Variants in HHAT observed in about 807,000 individuals in gnomAD.
HHAT encodes the protein protein-cysteine N-palmitoyltransferase HHAT.
HHAT carries 47 observed loss-of-function variants against 70.8 expected under a neutral mutation model. The observed-to-expected ratio is 0.66, with a 90% CI of 0.53 to 0.85. The LOEUF is 0.85. HHAT is among the 40% of genes least tolerant of loss of function. The pLI, the probability that HHAT is intolerant of heterozygous loss-of-function variation, is 0.00. For missense variants in HHAT, 609 were observed against 604.8 expected (o/e 1.01, Z -0.07); for synonymous variants, 228 against 247.6 (o/e 0.92, Z 0.74).
At chr1:210,427,476 G>A (rs373328589) in intron 7 of HHAT, among the ~76,000 whole-genome samples, 16 of 152,184 alleles carry the variant, frequency 1.1e-4, no homozygotes, top group South Asian at 6.2e-4. Flanking sequence ...TGCCTTAGCC[G>A]TGTCCCAGAG....
At chr1:210,344,357 A>T (rs1299893372) in intron 1 of HHAT, among the ~76,000 whole-genome samples, 1 of 152,106 alleles carries the variant, frequency 6.6e-6, no homozygotes, top group African/African-American at 2.4e-5. Context: ...CTGTCTGTGG[A>T]GTTTGCACAT....
chr1:210,417,494 C>T (rs1051925592), intron 6 of HHAT, among the ~76,000 whole-genome samples: 4 of 152,192 alleles, frequency 2.6e-5, no homozygotes, highest in African/African-American at 9.7e-5. Context: ...CTGGGCCTCC[C>T]AAAGTCCTGG....
chr1:210,394,218 G>C (rs2091635625), intron 4 of HHAT, among the ~76,000 whole-genome samples: 1 of 121,860 alleles, frequency 8.2e-6, no homozygotes, highest in Non-Finnish European at 1.8e-5. Flanking sequence ...ATTTTCAAAA[G>C]CATGATCTAT....
intron 6 of HHAT, among the ~76,000 whole-genome samples, chr1:210,406,181 C>T (rs1307738906): frequency 6.6e-6 from 1 of 152,158 alleles, no homozygotes; most frequent in Admixed American, 6.5e-5. Context: ...TTGAATTATT[C>T]TCAGTTTGCC....
intron 7 of HHAT, among the ~76,000 whole-genome samples, chr1:210,429,944 G>A (rs7518269): frequency 6.6e-6 from 1 of 151,478 alleles, no homozygotes; most frequent in Non-Finnish European, 1.5e-5. Flanking sequence ...CATTTGATAG[G>A]TGGCATTCTT....
chr1:210,338,964 G>C (rs1369290725), intron 1 of HHAT, among the ~76,000 whole-genome samples: 1 of 152,146 alleles, frequency 6.6e-6, no homozygotes, highest in African/African-American at 2.4e-5. Flanking sequence ...GAGCCCAGGA[G>C]TTAGAGCTGT....
At chr1:210,553,654 T>G (rs2095547169) in intron 9 of HHAT, among the ~76,000 whole-genome samples, 1 of 152,220 alleles carries the variant, frequency 6.6e-6, no homozygotes, top group African/African-American at 2.4e-5. Context: ...GTGAAACATC[T>G]TGGTGTTCAG....
intron 11 of HHAT, among the ~76,000 whole-genome samples, chr1:210,661,275 A>G (rs180739817): frequency 1.3e-5 from 2 of 152,382 alleles, no homozygotes; most frequent in African/African-American, 4.8e-5. Flanking sequence ...ACACTTCTCA[A>G]ACGAAGACAT....
intron 10 of HHAT, among the ~76,000 whole-genome samples, chr1:210,615,048 T>C (rs1667396653): frequency 6.6e-6 from 1 of 152,234 alleles, no homozygotes. Flanking sequence ...AGTGTTCCTA[T>C]TTCTCCACAT....
intron 3 of HHAT, among the ~76,000 whole-genome samples, chr1:210,373,990 CTT>C (rs978416599): frequency 3.3e-5 from 5 of 152,184 alleles, no homozygotes; most frequent in South Asian, 2.1e-4. Context: ...GTTACACAGA[CTT>C]TTATCATGCA....
intron 9 of HHAT, among the ~76,000 whole-genome samples, chr1:210,576,851 A>C (rs115178975): frequency 0.013 from 1,996 of 152,232 alleles, 47 homozygotes; most frequent in African/African-American, 0.044. Context: ...ACTTTCTTTC[A>C]TCAATGTTTT....
chr1:210,622,288 C>T (rs1668993018), intron 10 of HHAT, among the ~76,000 whole-genome samples: 1 of 152,092 alleles, frequency 6.6e-6, no homozygotes, highest in Non-Finnish European at 1.5e-5. Flanking sequence ...TATCTCCAGA[C>T]CCTTTGCTCC....
chr1:210,352,689 T>G (rs1483076367), intron 2 of HHAT, among the ~76,000 whole-genome samples: 1 of 152,132 alleles, frequency 6.6e-6, no homozygotes, highest in Non-Finnish European at 1.5e-5. Context: ...TTTAACAGCC[T>G]TAGTCAAATG....
intron 10 of HHAT, 149 bp from the exon 11 acceptor site, chr1:210,623,377 A>G: frequency 2.3e-6 from 2 of 855,324 alleles, no homozygotes; most frequent in Non-Finnish European, 3.7e-6. Context: ...CCAGACAGGA[A>G]TTGAAGTTTT....
intron 10 of HHAT, among the ~76,000 whole-genome samples, chr1:210,605,920 G>A (rs893327187): frequency 6.6e-6 from 1 of 151,516 alleles, no homozygotes; most frequent in African/African-American, 2.4e-5. Flanking sequence ...GCAGTGGCTT[G>A]ATCTTGGCTC....
At chr1:210,337,896 A>C (rs2085649617) in intron 1 of HHAT, among the ~76,000 whole-genome samples, 2 of 152,228 alleles carry the variant, frequency 1.3e-5, no homozygotes, top group African/African-American at 4.8e-5. Flanking sequence ...TGTCAGTAGA[A>C]GTTCATTCGT....
chr1:210,601,952 AGAGAGTATGTGTGT>A (rs1664354387), intron 10 of HHAT, among the ~76,000 whole-genome samples: 2 of 110,004 alleles, frequency 1.8e-5, no homozygotes, highest in African/African-American at 6.6e-5. Context: ...AGAGAGAGAG[AGAGAGTATGTGTGT>A]GAGAGTGTGT....
intron 9 of HHAT, among the ~76,000 whole-genome samples, chr1:210,536,800 G>A (rs754224744): frequency 4.1e-4 from 63 of 152,238 alleles, no homozygotes; most frequent in Admixed American, 1.3e-3. Context: ...TTTTGGACTC[G>A]TTAATTCTTT....
chr1:210,494,999 C>T (rs1258319410), intron 8 of HHAT, among the ~76,000 whole-genome samples: 3 of 152,016 alleles, frequency 2.0e-5, no homozygotes, highest in Non-Finnish European at 4.4e-5. Context: ...CTGGATAGTA[C>T]GACTGCCAAG....
Sources: allele counts gnomAD v4.1 joint callset (sites outside exome capture counted in the v4.1 genomes callset), GRCh38; gene constraint gnomAD v4.1.1; transcripts MANE v1.5; gene names NCBI Gene and HGNC (gene_info 2026-07-23, HGNC 2026-07-21).